The following KSR2 variants were observed in gnomAD, a reference collection of about 807,000 sequenced individuals.
KSR2 encodes the protein kinase suppressor of ras 2.
In KSR2, 25 loss-of-function variants were observed where a neutral mutation model predicts 107.8. That is an observed-to-expected ratio of 0.23 (90% CI 0.17 to 0.32). KSR2 has a LOEUF of 0.32. KSR2 is among the 10% of genes least tolerant of loss of function. The probability of loss-of-function intolerance (pLI) is 1.00; values close to 1 mark genes in which losing one functional copy is unlikely to be tolerated. For synonymous variants in KSR2, 480 were observed against 507.0 expected (o/e 0.95, Z 0.71); for missense variants, 887 against 1,268.9 (o/e 0.70, Z 4.57).
At chr12:117,808,412 G>C (rs1454180081) in intron 3 of KSR2, among the ~76,000 whole-genome samples, 1 of 152,024 alleles carries the variant, frequency 6.6e-6, no homozygotes, top group African/African-American at 2.4e-5. Context: ...GGAAATCAAG[G>C]TTGGAAAATC....
intron 14 of KSR2, chr12:117,517,807 AG>A (rs1874474152): frequency 2.2e-6 from 1 of 455,220 alleles, no homozygotes; most frequent in Non-Finnish European, 4.4e-6. Context: ...TCATGTGCTC[AG>A]GCCCCCCAAC....
chr12:117,491,387 C>G (rs1027641190), intron 14 of KSR2, among the ~76,000 whole-genome samples: 5 of 152,112 alleles, frequency 3.3e-5, no homozygotes, highest in African/African-American at 1.2e-4. Flanking sequence ...ACCATGTTGG[C>G]CAGGCTGGTC....
chr12:117,683,177 C>T (rs1446372275), intron 4 of KSR2, among the ~76,000 whole-genome samples: 1 of 151,926 alleles, frequency 6.6e-6, no homozygotes, highest in African/African-American at 2.4e-5. Flanking sequence ...AAAAATAAAA[C>T]ACAATTTTTA....
intron 14 of KSR2, among the ~76,000 whole-genome samples, chr12:117,519,091 G>A (rs1874572866): frequency 6.6e-6 from 1 of 152,262 alleles, no homozygotes; most frequent in Non-Finnish European, 1.5e-5. Context: ...GTCTGGCACT[G>A]TGCCGGGGTC....
At chr12:117,647,866 G>T (rs145764771) in intron 5 of KSR2, among the ~76,000 whole-genome samples, 36 of 152,174 alleles carry the variant, frequency 2.4e-4, no homozygotes, top group African/African-American at 8.4e-4. Flanking sequence ...CACCACGTCT[G>T]GCTTTTTTAC....
chr12:117,811,425 C>T (rs74332525), intron 3 of KSR2, among the ~76,000 whole-genome samples: 6,908 of 152,288 alleles, frequency 0.045, 214 homozygotes, highest in East Asian at 0.091. Flanking sequence ...TGAGGACTTG[C>T]TATTAATGCA....
chr12:117,539,618 C>A, intron 10 of KSR2, 101 bp downstream of exon 10: 2 of 1,190,940 alleles, frequency 1.7e-6, no homozygotes, highest in East Asian at 2.7e-5. Flanking sequence ...CGCTTTCCTG[C>A]AGAGACTTGC....
intron 1 of KSR2, among the ~76,000 whole-genome samples, chr12:117,956,189 G>T (rs1896509080): frequency 7.1e-6 from 1 of 141,396 alleles, no homozygotes; most frequent in African/African-American, 2.7e-5. Context: ...GGCGGAGCTT[G>T]CAGTGAGCCG....
intron 1 of KSR2, among the ~76,000 whole-genome samples, chr12:117,875,097 T>A (rs934216144): frequency 6.6e-6 from 1 of 152,160 alleles, no homozygotes; most frequent in Non-Finnish European, 1.5e-5. Context: ...CCGCAGCGCC[T>A]TATTACTGTA....
At chr12:117,763,495 A>G (rs1277116413) in intron 3 of KSR2, among the ~76,000 whole-genome samples, 1 of 152,190 alleles carries the variant, frequency 6.6e-6, no homozygotes, top group African/African-American at 2.4e-5. Context: ...AGATCCAACA[A>G]CACCAAATGT....
intron 4 of KSR2, among the ~76,000 whole-genome samples, chr12:117,720,007 A>T (rs943638974): frequency 1.3e-5 from 2 of 152,172 alleles, no homozygotes; most frequent in African/African-American, 4.8e-5. Context: ...CACTCCTTCC[A>T]TGCAGAGACA....
chr12:117,877,503 T>G (rs890248739), intron 1 of KSR2, among the ~76,000 whole-genome samples: 2 of 152,212 alleles, frequency 1.3e-5, no homozygotes, highest in Admixed American at 1.3e-4. Flanking sequence ...ACTGATAAAT[T>G]ATTATACAAT....
rs35204005 is a variant in KSR2, at chr12:117,574,892, G to GAAA, written c.1325+4224_1325+4226dup. ...TAACAGAACTGGATTTGCTCTGGGT[G>GAAA]AAAAAAAAAAAAAAAAAAAAATCAC... is the stretch of plus-strand genomic sequence containing the variant. On this transcript the variant is annotated intron_variant, in intron 7 of 19. Coordinates refer to ENST00000339824, the MANE Select transcript of KSR2 (RefSeq NM_173598.6). 8.1e-4 allele frequency among the ~76,000 whole-genome samples: 93 copies of GAAA among 115,314 alleles called. 1 individual carries two copies. Among genetic ancestry groups the GAAA allele is most frequent in the Admixed American group, 1.6e-3 (18 of 10,910 alleles). 75.7% of individuals were successfully genotyped at this position (115,314 alleles called of 152,430 possible).
rs76569102 is a variant in KSR2, at chr12:117,518,152, C to T, written c.2219+6700G>A. 6.3e-4 allele frequency among the ~76,000 whole-genome samples: 96 copies of T among 152,172 alleles called. 1 individual carries two copies. Among genetic ancestry groups the T allele is most frequent in the African/African-American group, 2.0e-3 (83 of 41,518 alleles). ...GTAAGTGCTGGATATTTCATGCACG[C>T]GGGCAACAGTTAACCTCACATAACT... On this transcript the variant is annotated intron_variant, in intron 14 of 19. Coordinates refer to ENST00000339824, the MANE Select transcript of KSR2 (RefSeq NM_173598.6).
At chr12:117,753,778 A>G (rs112022634) in intron 4 of KSR2, among the ~76,000 whole-genome samples, 10 of 151,720 alleles carry the variant, frequency 6.6e-5, no homozygotes, top group Non-Finnish European at 1.3e-4. Flanking sequence ...TACCTATGTA[A>G]CAAACCTGCA....
intron 3 of KSR2, among the ~76,000 whole-genome samples, chr12:117,834,450 T>G (rs1593283393): frequency 3.0e-5 from 4 of 132,282 alleles, no homozygotes; most frequent in Admixed American, 7.6e-5. Flanking sequence ...GGGGGCGGGG[T>G]AGGGATTTTT....
At chr12:117,934,602 C>A (rs1895786494) in intron 1 of KSR2, among the ~76,000 whole-genome samples, 1 of 152,154 alleles carries the variant, frequency 6.6e-6, no homozygotes, top group African/African-American at 2.4e-5. Flanking sequence ...CCAAAGAACT[C>A]CCCATTTTTG....
At chr12:117,771,895 G>C (rs1382288431) in intron 3 of KSR2, among the ~76,000 whole-genome samples, 67 of 119,324 alleles carry the variant, frequency 5.6e-4, no homozygotes, top group Middle Eastern at 5.7e-3. Flanking sequence ...CAAACACACA[G>C]TCACACATAC....
chr12:117,696,819 C>T (rs1195443971), intron 4 of KSR2, among the ~76,000 whole-genome samples: 21 of 152,150 alleles, frequency 1.4e-4, no homozygotes, highest in Non-Finnish European at 5.9e-5. Flanking sequence ...AGGAAGTCAC[C>T]TTGGAGAGCC....
Sources: gnomAD v4.1 joint callset for allele counts (sites outside exome capture counted in the v4.1 genomes callset) on GRCh38, gnomAD v4.1.1 for gene constraint, MANE v1.5 for transcripts, NCBI Gene and HGNC (gene_info 2026-07-23, HGNC 2026-07-21) for gene names.